The following ADAMTS17 variants were observed in gnomAD, a reference collection of about 807,000 sequenced individuals.
ADAMTS17 encodes ADAM metallopeptidase with thrombospondin type 1 motif 17.
ADAMTS17 carries 113 observed loss-of-function variants against 141.5 expected under a neutral mutation model. The observed-to-expected ratio is 0.80, with a 90% CI of 0.69 to 0.93. The LOEUF is 0.93. Among genes scored for constraint, ADAMTS17 ranks in the 40% least tolerant of loss-of-function variants. The pLI is 0.00. For missense variants in ADAMTS17, 1,659 were observed against 1,517.9 expected, an observed-to-expected ratio of 1.09 and a Z score of -1.54; for synonymous variants, 768 against 630.6, an observed-to-expected ratio of 1.22 and a Z score of -3.27.
chr15:100,284,755 T>C (rs1029780434), intron 3 of ADAMTS17, among the ~76,000 whole-genome samples: 1 of 152,142 alleles, frequency 6.6e-6, no homozygotes, highest in African/African-American at 2.4e-5. Context: ...ACTGCAAAAA[T>C]ATGCTTGATA....
At chr15:100,273,738 T>C (rs1462640295) in intron 4 of ADAMTS17, among the ~76,000 whole-genome samples, 1 of 152,172 alleles carries the variant, frequency 6.6e-6, no homozygotes, top group African/African-American at 2.4e-5. Flanking sequence ...AGGAATAAAA[T>C]AGCTTGTTCT....
chr15:100,027,733 G>A (rs574421144), intron 18 of ADAMTS17, among the ~76,000 whole-genome samples: 38 of 152,330 alleles, frequency 2.5e-4, no homozygotes, highest in South Asian at 1.4e-3. Context: ...TGGATACAGC[G>A]TCCTCAGCTC....
chr15:100,340,611 A>G (rs1357034199), intron 2 of ADAMTS17, among the ~76,000 whole-genome samples: 1 of 152,148 alleles, frequency 6.6e-6, no homozygotes, highest in African/African-American at 2.4e-5. Flanking sequence ...CCCACCTCCA[A>G]GTCCAAGAAC....
At chr15:100,191,900 G>A (rs927545139) in intron 8 of ADAMTS17, among the ~76,000 whole-genome samples, 5 of 87,930 alleles carry the variant, frequency 5.7e-5, no homozygotes, top group Admixed American at 1.8e-4. Context: ...GGCACCAGGA[G>A]GTTTGTGGCT....
At position 100,211,139 on chromosome 15, in the gene ADAMTS17, T is replaced by TAAATAAAA. The variant is rs1418716333; in HGVS notation, c.1076-11717_1076-11716insTTTTATTT. Among the ~76,000 whole-genome samples, 683 of 141,324 alleles carry TAAATAAAA rather than the reference T, an allele frequency of 4.8e-3. 5 individuals are homozygous for TAAATAAAA. Among genetic ancestry groups the TAAATAAAA allele is most frequent in the Admixed American group, 0.01 (149 of 14,648 alleles). The allele number at this position is 141,324 out of a possible 152,430, so 92.7% of individuals were successfully genotyped here. A position where few individuals can be genotyped will look rare whatever the true frequency, so the allele number is the denominator to read the frequency against. ...ATAAATAAATAAATAAATAAATAAA[T>TAAATAAAA]AAAAATACAAAAATTAGCAGGGCAT... On this transcript the variant is annotated intron_variant, in intron 7 of 21. Transcript: ENST00000268070.
intron 8 of ADAMTS17, among the ~76,000 whole-genome samples, chr15:100,195,613 C>CA (rs71287815): frequency 0.3 from 19,260 of 63,524 alleles, 2,264 homozygotes; most frequent in African/African-American, 0.33. Flanking sequence ...TGTTTGGTCT[C>CA]AAAAAAAAAA....
chr15:100,233,045 G>A (rs1034977453), intron 7 of ADAMTS17, among the ~76,000 whole-genome samples: 3 of 152,174 alleles, frequency 2.0e-5, no homozygotes, highest in Admixed American at 6.5e-5. Context: ...TGGTACAGAA[G>A]AGGCCAGGCG....
intron 7 of ADAMTS17, among the ~76,000 whole-genome samples, chr15:100,236,366 G>C (rs1271107443): frequency 6.7e-6 from 1 of 150,202 alleles, no homozygotes; most frequent in Non-Finnish European, 1.5e-5. Context: ...CCCCACACCA[G>C]CACCACCAGC....
chr15:100,298,281 T>C (rs1171028322), intron 3 of ADAMTS17, among the ~76,000 whole-genome samples: 1 of 152,158 alleles, frequency 6.6e-6, no homozygotes, highest in Non-Finnish European at 1.5e-5. Context: ...CCTCAGTTTC[T>C]ACTGCTGTCC....
chr15:100,096,490 G>A lies in ADAMTS17; in HGVS notation c.2017-14C>T, dbSNP rs1297566920. The A allele has an allele frequency of 6.2e-7, 1 of 1,614,028 alleles. No homozygotes were observed. Among genetic ancestry groups the A allele is most frequent in the South Asian group, 1.1e-5 (1 of 91,084 alleles). ...ACAGCCGATTTTCTAAAGAACCAGAGGGCCTCATTATTCTGTGGTTAAGAC... is the reference window on the plus strand; with the variant it reads ...ACAGCCGATTTTCTAAAGAACCAGAAGGCCTCATTATTCTGTGGTTAAGAC... On this transcript the variant is annotated splice_polypyrimidine_tract_variant and intron_variant, in intron 14 of 21. Coordinates refer to ENST00000268070, the MANE Select transcript of ADAMTS17 (RefSeq NM_139057.4).
At chr15:100,331,731 A>G (rs2046059970) in intron 2 of ADAMTS17, among the ~76,000 whole-genome samples, 1 of 152,134 alleles carries the variant, frequency 6.6e-6, no homozygotes, top group East Asian at 1.9e-4. Context: ...TCAGGGGGCC[A>G]TGGCATCCTT....
intron 4 of ADAMTS17, among the ~76,000 whole-genome samples, chr15:100,269,617 T>C (rs2043835175): frequency 6.6e-6 from 1 of 152,182 alleles, no homozygotes; most frequent in Non-Finnish European, 1.5e-5. Flanking sequence ...AGAGCAGTCC[T>C]GTTCCCTGGA....
At chr15:100,028,996 G>A (rs2029877669) in intron 18 of ADAMTS17, among the ~76,000 whole-genome samples, 1 of 152,166 alleles carries the variant, frequency 6.6e-6, no homozygotes, top group Non-Finnish European at 1.5e-5. Flanking sequence ...GGCTGTTTGC[G>A]GACATCTCGC....
At chr15:100,142,158 G>A (rs1367250404) in intron 10 of ADAMTS17, among the ~76,000 whole-genome samples, 1 of 152,240 alleles carries the variant, frequency 6.6e-6, no homozygotes, top group Non-Finnish European at 1.5e-5. Context: ...GTCTCTGGAG[G>A]ACTCTAGCAA....
intron 13 of ADAMTS17, among the ~76,000 whole-genome samples, chr15:100,115,842 C>T (rs1026200522): frequency 1.3e-5 from 2 of 152,138 alleles, no homozygotes; most frequent in Non-Finnish European, 2.9e-5. Context: ...TGAAGTCATG[C>T]GGTCTGTCTT....
chr15:100,090,691 C>G (rs554734797), intron 15 of ADAMTS17, among the ~76,000 whole-genome samples: 1 of 152,150 alleles, frequency 6.6e-6, no homozygotes, highest in Non-Finnish European at 1.5e-5. Context: ...AACCGTCCTA[C>G]GACAAGTTTC....
intron 7 of ADAMTS17, among the ~76,000 whole-genome samples, chr15:100,238,834 C>T (rs1418452159): frequency 1.3e-5 from 2 of 152,194 alleles, no homozygotes. Flanking sequence ...CCTGTAATTC[C>T]AGCACTTTGG....
intron 6 of ADAMTS17, among the ~76,000 whole-genome samples, chr15:100,255,389 G>A (rs898189907): frequency 6.6e-5 from 10 of 152,042 alleles, no homozygotes; most frequent in Admixed American, 2.0e-4. Flanking sequence ...CCAAAACCAA[G>A]GTAACCTTCA....
intron 15 of ADAMTS17, among the ~76,000 whole-genome samples, chr15:100,061,222 G>C (rs565255452): frequency 5.3e-5 from 8 of 152,232 alleles, no homozygotes; most frequent in Non-Finnish European, 1.0e-4. Flanking sequence ...GCCATGATTG[G>C]ACAGAGTAAT....
Sources: allele counts gnomAD v4.1 joint callset (sites outside exome capture counted in the v4.1 genomes callset), GRCh38; gene constraint gnomAD v4.1.1; transcripts MANE v1.5; gene names NCBI Gene and HGNC (gene_info 2026-07-23, HGNC 2026-07-21).